BMP6: variants seen among roughly 807,000 people sequenced by gnomAD.
The protein encoded by BMP6 is VG-1-R.
In BMP6, 17 loss-of-function variants were observed where a neutral mutation model predicts 54.1. The ratio of observed to expected loss-of-function variants is 0.31; its 90% confidence interval spans 0.22 to 0.47. The LOEUF is 0.47. Among genes scored for constraint, BMP6 ranks in the 20% least tolerant of loss-of-function variants. The pLI is 1.00. For missense variants in BMP6, 720 were observed against 690.4 expected (o/e 1.04, Z -0.48); for synonymous variants, 328 against 291.2 (o/e 1.13, Z -1.28).
At chr6:7,770,056 C>T (rs547233699) in intron 1 of BMP6, among the ~76,000 whole-genome samples, 47 of 152,214 alleles carry the variant, frequency 3.1e-4, no homozygotes, top group Non-Finnish European at 5.9e-4. Context: ...CCCCCTGCAC[C>T]TCCCCTCGCC....
intron 1 of BMP6, among the ~76,000 whole-genome samples, chr6:7,797,573 A>G (rs1758209317): frequency 6.6e-6 from 1 of 152,162 alleles, no homozygotes; most frequent in Admixed American, 6.5e-5. Context: ...AAACCATCCA[A>G]CTGCAAATGG....
At chr6:7,836,605 C>T (rs1234837452) in intron 1 of BMP6, among the ~76,000 whole-genome samples, 1 of 152,048 alleles carries the variant, frequency 6.6e-6, no homozygotes, top group Non-Finnish European at 1.5e-5. Context: ...ACTGTTTTTT[C>T]AACTACTTGT....
chr6:7,849,848 A>G (rs28515557), intron 2 of BMP6, among the ~76,000 whole-genome samples: 3 of 152,192 alleles, frequency 2.0e-5, no homozygotes, highest in African/African-American at 7.2e-5. Flanking sequence ...ATTGCTCGGC[A>G]GTGATGGTCT....
Position 7,727,517 on chromosome 6 carries a change from C to T in BMP6, c.562C>T (p.Leu188=), listed in dbSNP as rs764460136. Residue 188 remains leucine (L), a synonymous_variant, in exon 1 of 7, where the codon CTG becomes TTG. Transcript: ENST00000283147. The stretch of plus-strand genomic sequence containing the variant: ...GCACCCGCTCAACCGCAAGAGCCTT[C>T]TGGCCCCCGGATCTGGCAGCGGCGG... The part of the protein sequence containing the change: ...AAHPLNRKSL[L]APGSGSGGAS... 3 of 1,596,240 alleles carry T rather than the reference C, an allele frequency of 1.9e-6. No homozygotes were observed. Among genetic ancestry groups the T allele is most frequent in the Non-Finnish European group, 2.5e-6 (3 of 1,177,688 alleles).
intron 1 of BMP6, among the ~76,000 whole-genome samples, chr6:7,813,624 CAG>C (rs1184179877): frequency 9.6e-6 from 1 of 103,734 alleles, no homozygotes; most frequent in African/African-American, 4.0e-5. Context: ...GCCAGGGTGA[CAG>C]AGTGTGACCC....
At chr6:7,814,850 GA>G (rs1758502547) in intron 1 of BMP6, among the ~76,000 whole-genome samples, 1 of 152,144 alleles carries the variant, frequency 6.6e-6, no homozygotes, top group African/African-American at 2.4e-5. Context: ...AGAGCATTAG[GA>G]CAAATACCTA....
rs575064099 is a variant in BMP6, at chr6:7,794,045, G to C, written c.665-51095G>C. On this transcript the variant is annotated intron_variant, in intron 1 of 6. Transcript: ENST00000283147. The stretch of plus-strand genomic sequence containing the variant: ...GGAGTTCTGTTGCTCTCATTCGCAA[G>C]CTCTGTCCATGGGTAAGGCTCGTAC... 2.0e-5 allele frequency among the ~76,000 whole-genome samples: 3 copies of C among 152,342 alleles called. No individual in the cohort carries two copies. The East Asian group carries it at 5.8e-4, about 29-fold the overall frequency.
At chr6:7,739,520 A>G (rs1440659329) in intron 1 of BMP6, among the ~76,000 whole-genome samples, 1 of 152,232 alleles carries the variant, frequency 6.6e-6, no homozygotes, top group East Asian at 1.9e-4. Context: ...TTACAGCTGC[A>G]GATACATAAA....
At position 7,746,775 on chromosome 6, in the gene BMP6, C is replaced by T. The variant is rs113051607; in HGVS notation, c.664+19156C>T. Among the ~76,000 whole-genome samples, 504 of 152,322 alleles carry T rather than the reference C, an allele frequency of 3.3e-3. 9 individuals are homozygous for T. The highest frequency in any genetic ancestry group is 0.022 in the East Asian group (114 of 5,188). On this transcript the variant is annotated intron_variant, in intron 1 of 6. Coordinates refer to ENST00000283147, the MANE Select transcript of BMP6 (RefSeq NM_001718.6). ...GAATTAGGAGTGTCATCTGCCGTCACGGTGCAGACGGTATTCGCGTCTTTG... is the reference window on the plus strand; with the variant it reads ...GAATTAGGAGTGTCATCTGCCGTCATGGTGCAGACGGTATTCGCGTCTTTG...
chr6:7,750,287 T>C (rs922904827), intron 1 of BMP6, among the ~76,000 whole-genome samples: 2 of 152,166 alleles, frequency 1.3e-5, no homozygotes, highest in Non-Finnish European at 2.9e-5. Context: ...TCTAAGAGCA[T>C]GCTGTTCCAA....
intron 1 of BMP6, among the ~76,000 whole-genome samples, chr6:7,837,774 C>A (rs959775624): frequency 6.6e-6 from 1 of 151,784 alleles, no homozygotes; most frequent in African/African-American, 2.4e-5. Context: ...CGACTTGTTC[C>A]CCCAAAAGTA....
intron 1 of BMP6, among the ~76,000 whole-genome samples, chr6:7,839,436 CTATT>C (rs1396017907): frequency 6.6e-6 from 1 of 152,240 alleles, no homozygotes; most frequent in Non-Finnish European, 1.5e-5. Context: ...CCCAAGCTGA[CTATT>C]TGGGTACTTA....
intron 1 of BMP6, among the ~76,000 whole-genome samples, chr6:7,747,470 C>T (rs1399055924): frequency 6.6e-6 from 1 of 152,154 alleles, no homozygotes; most frequent in African/African-American, 2.4e-5. Flanking sequence ...CCTCTGGAAG[C>T]TGGGAAGGGC....
chr6:7,871,436 T>C (rs1401565215), intron 4 of BMP6, among the ~76,000 whole-genome samples: 1 of 152,238 alleles, frequency 6.6e-6, no homozygotes, highest in Non-Finnish European at 1.5e-5. Flanking sequence ...CTTCTGCTTA[T>C]GGAAGGAATT....
intron 1 of BMP6, among the ~76,000 whole-genome samples, chr6:7,753,352 A>G (rs1366015523): frequency 1.3e-5 from 2 of 152,220 alleles, no homozygotes; most frequent in Admixed American, 1.3e-4. Context: ...AAATGTATGT[A>G]TCCCTGCTAC....
intron 1 of BMP6, among the ~76,000 whole-genome samples, chr6:7,799,371 G>C (rs1758236641): frequency 6.6e-6 from 1 of 152,176 alleles, no homozygotes; most frequent in Non-Finnish European, 1.5e-5. Flanking sequence ...GTAGAATTCA[G>C]AAAACTGCTA....
At chr6:7,838,362 C>T (rs988963794) in intron 1 of BMP6, among the ~76,000 whole-genome samples, 3 of 152,060 alleles carry the variant, frequency 2.0e-5, no homozygotes, top group Non-Finnish European at 4.4e-5. Context: ...GTATCCCCCT[C>T]GGATAAGAGG....
chr6:7,881,398 T>G lies in BMP6; in HGVS notation c.*1055T>G, dbSNP rs1376488041. 6.6e-6 allele frequency: 1 copy of G among 152,124 alleles called. No homozygotes were observed. The highest frequency in any genetic ancestry group is 6.5e-5 in the Admixed American group (1 of 15,278). The allele number at this position is 152,124 out of a possible 1,614,324, so 9.4% of individuals were successfully genotyped here. On this transcript the variant is annotated 3_prime_UTR_variant, in exon 7 of 7. Coordinates refer to ENST00000283147, the MANE Select transcript of BMP6 (RefSeq NM_001718.6). ...GAAGGCAATTTCATACTAAACTGAT[T>G]AAATAATACATTTATAATCTACAAC...
At chr6:7,743,650 T>C (rs1247421452) in intron 1 of BMP6, among the ~76,000 whole-genome samples, 1 of 152,212 alleles carries the variant, frequency 6.6e-6, no homozygotes, top group African/African-American at 2.4e-5. Flanking sequence ...CATAGGAAGC[T>C]GAACTCAGAA....
Sources: gnomAD v4.1 joint callset for allele counts (sites outside exome capture counted in the v4.1 genomes callset) on GRCh38, gnomAD v4.1.1 for gene constraint, MANE v1.5 for transcripts, NCBI Gene and HGNC (gene_info 2026-07-23, HGNC 2026-07-21) for gene names.